Variants in A2M observed in about 807,000 individuals in gnomAD.
The protein encoded by A2M is C3 and PZP-like alpha-2-macroglobulin domain-containing protein 5.
A neutral mutation model predicts 183.9 loss-of-function variants in A2M; 128 were observed. The ratio of observed to expected loss-of-function variants is 0.70; its 90% confidence interval spans 0.60 to 0.81. The LOEUF (loss-of-function observed/expected upper bound fraction) is 0.81. Among genes scored for constraint, A2M ranks in the 30% least tolerant of loss-of-function variants. The pLI, the probability that A2M is intolerant of heterozygous loss-of-function variation, is 0.00. For missense variants in A2M, 1,495 were observed against 1,787.6 expected, an observed-to-expected ratio of 0.84 and a Z score of 2.95; for synonymous variants, 592 against 670.8, an observed-to-expected ratio of 0.88 and a Z score of 1.81.
In A2M at chr12:9,112,534, G is replaced by A. The variant is rs779039949; in HGVS notation, c.273C>T (p.Val91=). 2.5e-6 allele frequency: 4 copies of A among 1,613,502 alleles called. No individual in the cohort carries two copies. In the Admixed American group the frequency reaches 5.0e-5, roughly 20 times the overall value. The change falls in exon 3 of 36, where the codon GTC becomes GTT. Residue 91 remains valine (V), a splice_region_variant and synonymous_variant. Coordinates refer to ENST00000318602, the MANE Select transcript of A2M (RefSeq NM_000014.6). ...CCTCCTCATTGGATGAAGACTTTGG[G>A]ACCTGAAATACAGGACCGATCCTGA... ...NDVLHCVAFA[V]PKSSSNEEVM...
intron 1 of A2M, 113 bp from the exon 2 acceptor site, chr12:9,113,656 T>C (rs2137993229): frequency 9.4e-7 from 1 of 1,064,502 alleles, no homozygotes; most frequent in Non-Finnish European, 1.4e-6. Context: ...CAAGAGAAGA[T>C]GTACTGATGA....
In A2M at chr12:9,106,299, T is replaced by C. The variant is rs759357490; in HGVS notation, c.1041A>G (p.Ile347Met). Residue 347 changes from isoleucine (I) to methionine (M), a missense_variant, in exon 10 of 36, where the codon ATA (isoleucine) becomes ATG (methionine). Ile to Met is a conservative substitution (Grantham distance 10, BLOSUM62 1). Transcript: ENST00000318602. Reference protein sequence around the residue: ...GRQSSEITRTITKLSFVKVDS... With the variant: ...GRQSSEITRTMTKLSFVKVDS... ...CCACTTTCACAAATGAGAGTTTGGT[T>C]ATGGTTCTTGTGATTTCACTGGACT... is the stretch of plus-strand genomic sequence containing the variant. 1.9e-6 allele frequency: 3 copies of C among 1,613,504 alleles called. No homozygotes were observed. Among genetic ancestry groups the C allele is most frequent in the Non-Finnish European group, 2.5e-6 (3 of 1,179,582 alleles).
Position 9,080,064 on chromosome 12 carries a change from GC to G in A2M, c.2854+29del, listed in dbSNP as rs908647777. 7 of 1,426,188 alleles carry G rather than the reference GC, an allele frequency of 4.9e-6. No homozygotes were observed. The African/African-American group carries it at 1.0e-4, about 20-fold the overall frequency. 88.3% of individuals were successfully genotyped at this position (1,426,188 alleles called of 1,614,324 possible). On this transcript the variant is annotated intron_variant, in intron 23 of 35. Transcript: ENST00000318602. ...AAATAGTATAATAGAAGCTGTTAAT[GC>G]CCGGATCCACTAGGGGCTGGAGACT...
At chr12:9,089,649 G>A (rs1040331760) in intron 21 of A2M, among the ~76,000 whole-genome samples, 4 of 152,088 alleles carry the variant, frequency 2.6e-5, no homozygotes, top group Admixed American at 6.6e-5. Flanking sequence ...GCTGAGGCAC[G>A]AGAATTGCTT....
intron 29 of A2M, 29 bp downstream of exon 29, chr12:9,074,531 G>A (rs1311343437): frequency 1.9e-6 from 3 of 1,565,510 alleles, no homozygotes; most frequent in Non-Finnish European, 2.6e-6. Context: ...ACCTGAAGGT[G>A]AAATAAAAGG....
At position 9,074,605 on chromosome 12, in the gene A2M, C is replaced by T; in HGVS notation, c.3711G>A (p.Trp1237Ter). Residue 1237 changes from tryptophan to a stop codon, truncating the protein, a stop_gained, in exon 29 of 36, where the codon TGG (tryptophan) becomes TGA (stop). Coordinates refer to ENST00000318602, the MANE Select transcript of A2M (RefSeq NM_000014.6). LOFTEE classifies it high-confidence loss of function. ...CCTGGGCATTCTGCTGCTTCGTGAT[C>T]CACTTCACGATGTTGGTTGCAGAGG... The part of the protein sequence containing the change: ...DLTSATNIVK[W>*]ITKQQNAQGG... 6.2e-7 allele frequency: 1 copy of T among 1,613,746 alleles called. No individual in the cohort carries two copies. The highest frequency in any genetic ancestry group is 1.1e-5 in the South Asian group (1 of 90,946).
intron 30 of A2M, 28 bp downstream of exon 30, chr12:9,072,625 C>T: frequency 1.2e-6 from 2 of 1,609,428 alleles, no homozygotes; most frequent in Non-Finnish European, 1.7e-6. Context: ...CCTCATCTGT[C>T]CTGTCCTCAC....
At chr12:9,094,555 G>A (rs1393643894) in intron 17 of A2M, among the ~76,000 whole-genome samples, 2 of 151,828 alleles carry the variant, frequency 1.3e-5, no homozygotes, top group Admixed American at 1.3e-4. Flanking sequence ...CCTCAATCAT[G>A]ATTTGACAAT....
chr12:9,110,375 A>G (rs1348249054), intron 4 of A2M, 41 bp from the exon 5 acceptor site: 2 of 1,240,098 alleles, frequency 1.6e-6, no homozygotes, highest in Non-Finnish European at 2.2e-6. Flanking sequence ...ATTATTTTCA[A>G]ATATTCTTAA....
In A2M at chr12:9,079,794, A is replaced by G; in HGVS notation, c.2876T>C (p.Met959Thr). The stretch of plus-strand genomic sequence containing the variant: ...CTGGAGAAGATTTTGTGTGTTTTGC[A>G]TGGCAGAGCCTAATATGTCTCCTAG... ...SVLGDILGSA[M>T]QNTQNLLQMP... is the part of the protein sequence containing the mutation. The change falls in exon 24 of 36, where the codon ATG becomes ACG. Residue 959 changes from methionine to threonine, a missense_variant. Transcript: ENST00000318602. 3 of 1,610,764 alleles carry G rather than the reference A, an allele frequency of 1.9e-6. No individual in the cohort carries two copies. The African/African-American group carries it at 4.0e-5, about 21-fold the overall frequency.
chr12:9,094,620 ATGTCATTGATGAATG>A (rs899173503), intron 17 of A2M, among the ~76,000 whole-genome samples: 7 of 152,054 alleles, frequency 4.6e-5, no homozygotes, highest in African/African-American at 1.7e-4. Flanking sequence ...GAAGTAGCTC[ATGTCATTGATGAATG>A]TGTGTGGTTC....
chr12:9,106,916 G>A lies in A2M; in HGVS notation c.880-311C>T, dbSNP rs766029677. On this transcript the variant is annotated intron_variant, in intron 8 of 35. Coordinates refer to ENST00000318602, the MANE Select transcript of A2M (RefSeq NM_000014.6). ...ATTTATACATATTTATGGGGTACAC[G>A]AGATATTTTGTTACATGCAGAGAAT... 5.3e-5 allele frequency among the ~76,000 whole-genome samples: 8 copies of A among 152,186 alleles called. No individual in the cohort carries two copies. The East Asian group carries it at 1.4e-3, about 26-fold the overall frequency.
At chr12:9,095,773 G>A (rs1337167034) in intron 15 of A2M, 73 bp from the exon 16 acceptor site, 1 of 941,874 alleles carries the variant, frequency 1.1e-6, no homozygotes, top group Non-Finnish European at 1.4e-6. Flanking sequence ...TTTTTTTTGA[G>A]ACGGAGTCTC....
intron 29 of A2M, among the ~76,000 whole-genome samples, chr12:9,073,873 A>G (rs1263688840): frequency 2.6e-5 from 4 of 152,116 alleles, no homozygotes; most frequent in Non-Finnish European, 5.9e-5. Flanking sequence ...GGATTGCCTG[A>G]GCTCAGGACT....
At position 9,098,737 on chromosome 12, in the gene A2M, G is replaced by A; in HGVS notation, c.1721C>T (p.Pro574Leu). The A allele has an allele frequency of 1.2e-6, 2 of 1,612,988 alleles. No homozygotes were observed. Among genetic ancestry groups the A allele is most frequent in the South Asian group, 1.1e-5 (1 of 90,472 alleles). Residue 574 changes from proline to leucine, a missense_variant, in exon 15 of 36, where the codon CCA (proline) becomes CTA (leucine). By Grantham distance (98) the Pro-to-Leu change is moderately conservative. Coordinates refer to ENST00000318602, the MANE Select transcript of A2M (RefSeq NM_000014.6). ...LANKVDLSFS[P>L]SQSLPASHAH... Reference sequence around the variant, plus strand: ...GTGTGAGGCTGGGAGACTTTGTGATGGGCTGAAGCTCAAATCCACCTGTGA... The same window carrying A: ...GTGTGAGGCTGGGAGACTTTGTGATAGGCTGAAGCTCAAATCCACCTGTGA...
At chr12:9,099,940 C>CT (rs1937689464) in intron 13 of A2M, among the ~76,000 whole-genome samples, 1 of 152,200 alleles carries the variant, frequency 6.6e-6, no homozygotes, top group African/African-American at 2.4e-5. Flanking sequence ...CACCATGCTC[C>CT]TTCAGAAGTT....
At chr12:9,098,447 T>A (rs926123019) in intron 15 of A2M, 160 bp downstream of exon 15, 25 of 311,158 alleles carry the variant, frequency 8.0e-5, no homozygotes, top group East Asian at 2.3e-4. Flanking sequence ...TATATATATA[T>A]ATAATTCCTT....
In A2M at chr12:9,113,540, C is replaced by A; in HGVS notation, c.90G>T (p.Gln30His). 1 of 1,613,544 alleles carries A rather than the reference C, an allele frequency of 6.2e-7. No homozygotes were observed. Among genetic ancestry groups the A allele is most frequent in the Non-Finnish European group, 8.5e-7 (1 of 1,179,740 alleles). The change falls in exon 2 of 36, where the codon CAG becomes CAT. Residue 30 changes from glutamine (Q) to histidine (H), a missense_variant. Physicochemically the swap from Gln to His is conservative, Grantham distance 24. Coordinates refer to ENST00000318602, the MANE Select transcript of A2M (RefSeq NM_000014.6). ...PTDASVSGKP[Q>H]YMVLVPSLLH... is the part of the protein sequence containing the mutation. ...GCAGGGAGGGGACCAGAACCATATA[C>A]TGCCTGGGAATGAGACGGTTCAGTT...
intron 17 of A2M, 69 bp downstream of exon 17, chr12:9,094,904 G>T: frequency 3.7e-6 from 3 of 803,280 alleles, no homozygotes; most frequent in Non-Finnish European, 5.4e-6. Flanking sequence ...TTGTCACATT[G>T]TATCTTTTAA....
Sources: gnomAD v4.1 joint callset for allele counts (sites outside exome capture counted in the v4.1 genomes callset) on GRCh38, gnomAD v4.1.1 for gene constraint, MANE v1.5 for transcripts, NCBI Gene and HGNC (gene_info 2026-07-23, HGNC 2026-07-21) for gene names.